Variants in STK32B observed in about 807,000 individuals in gnomAD.
STK32B encodes serine/threonine kinase 32B.
Under a neutral mutation model 52.6 loss-of-function variants are expected in STK32B, and 43 were observed. The ratio of observed to expected loss-of-function variants is 0.82; its 90% confidence interval spans 0.64 to 1.05. The LOEUF is 1.05. Ranked by LOEUF, STK32B falls within the 50% of genes least tolerant of loss-of-function variation. STK32B has a pLI of 0.00. For synonymous variants in STK32B, 238 were observed against 204.3 expected, an observed-to-expected ratio of 1.17 and a Z score of -1.41; for missense variants, 621 against 534.6, an observed-to-expected ratio of 1.16 and a Z score of -1.59.
chr4:5,249,509 C>CCCTCCCTTCCTTCCTT (rs1560259558), intron 3 of STK32B, among the ~76,000 whole-genome samples: 11 of 136,434 alleles, frequency 8.1e-5, no homozygotes, highest in South Asian at 7.0e-4. Flanking sequence ...CTTCCTCCCT[C>CCCTCCCTTCCTTCCTT]CCTTCCTTTA....
At chr4:5,253,880 T>G (rs554741275) in intron 3 of STK32B, among the ~76,000 whole-genome samples, 1 of 152,302 alleles carries the variant, frequency 6.6e-6, no homozygotes, top group African/African-American at 2.4e-5. Context: ...CATGAAATAA[T>G]GTATGTAAAG....
chr4:5,300,052 C>G (rs1729457039), intron 3 of STK32B, among the ~76,000 whole-genome samples: 1 of 152,170 alleles, frequency 6.6e-6, no homozygotes, highest in Non-Finnish European at 1.5e-5. Flanking sequence ...GAAGTACTAA[C>G]AAACCATATC....
chr4:5,270,423 C>T (rs570933148), intron 3 of STK32B, among the ~76,000 whole-genome samples: 3 of 152,270 alleles, frequency 2.0e-5, no homozygotes, highest in South Asian at 2.1e-4. Flanking sequence ...GATTAGATGG[C>T]GCCCACCCAG....
At chr4:5,244,820 T>G (rs1312343565) in intron 3 of STK32B, among the ~76,000 whole-genome samples, 1 of 152,244 alleles carries the variant, frequency 6.6e-6, no homozygotes, top group Non-Finnish European at 1.5e-5. Flanking sequence ...ATTTCTGCCT[T>G]CATTTCATTA....
intron 1 of STK32B, among the ~76,000 whole-genome samples, chr4:5,078,599 C>G (rs1223716696): frequency 2.6e-5 from 4 of 152,154 alleles, no homozygotes; most frequent in Non-Finnish European, 4.4e-5. Flanking sequence ...TCTGGCATCT[C>G]CTGGTGGCAT....
upstream of STK32B, among the ~76,000 whole-genome samples, chr4:5,048,133 T>A (rs547905620): frequency 6.6e-6 from 1 of 151,728 alleles, no homozygotes; most frequent in Non-Finnish European, 1.5e-5. Context: ...TTTTTTTTTT[T>A]ACTTGTTTGT....
chr4:5,437,932 C>T (rs1384586011), intron 6 of STK32B: 93 of 985,284 alleles, frequency 9.4e-5, no homozygotes, highest in Non-Finnish European at 1.1e-4. Context: ...ACCATCAGCT[C>T]CAAGTGTGTG....
intron 1 of STK32B, among the ~76,000 whole-genome samples, chr4:5,061,160 T>C (rs563356293): frequency 7.2e-5 from 11 of 152,368 alleles, no homozygotes; most frequent in African/African-American, 2.6e-4. Flanking sequence ...CCCATCTGGC[T>C]TTGACAATAC....
chr4:5,095,921 G>A (rs1210492614), intron 1 of STK32B, among the ~76,000 whole-genome samples: 2 of 152,184 alleles, frequency 1.3e-5, no homozygotes, highest in Non-Finnish European at 1.5e-5. Context: ...CAATTTTGAT[G>A]TAATATGTTC....
At chr4:5,093,438 C>G (rs10155107) in intron 1 of STK32B, among the ~76,000 whole-genome samples, 37,714 of 152,014 alleles carry the variant, frequency 0.25, 5,588 homozygotes, top group Non-Finnish European at 0.34. Flanking sequence ...TTTCGAGTAT[C>G]TACTCTCAGC....
At chr4:5,133,662 C>G (rs936707376) in intron 1 of STK32B, among the ~76,000 whole-genome samples, 1 of 152,154 alleles carries the variant, frequency 6.6e-6, no homozygotes, top group African/African-American at 2.4e-5. Context: ...ATATAATAGT[C>G]TTATTCCAAG....
intron 2 of STK32B, among the ~76,000 whole-genome samples, chr4:5,166,768 T>A (rs1043180635): frequency 1.3e-5 from 2 of 152,040 alleles, no homozygotes; most frequent in Non-Finnish European, 2.9e-5. Context: ...ATCCCCCAGT[T>A]TGAGGTACTG....
intron 3 of STK32B, among the ~76,000 whole-genome samples, chr4:5,198,070 C>A (rs113165665): frequency 2.0e-5 from 3 of 151,976 alleles, no homozygotes; most frequent in African/African-American, 4.8e-5. Flanking sequence ...GAAACTACCC[C>A]CTATGATGAA....
At chr4:5,340,944 G>A (rs1195597540) in intron 4 of STK32B, among the ~76,000 whole-genome samples, 4 of 152,090 alleles carry the variant, frequency 2.6e-5, no homozygotes, top group South Asian at 2.1e-4. Context: ...ACCCCATTTT[G>A]CAGAGAGATT....
Position 5,249,794 on chromosome 4 carries a change from A to G in STK32B, c.260+81344A>G, listed in dbSNP as rs149724598. Among the ~76,000 whole-genome samples the G allele has an allele frequency of 2.8e-3, 432 of 152,216 alleles. 2 individuals are homozygous for G. The highest frequency in any genetic ancestry group is 0.01 in the African/African-American group (417 of 41,524). On this transcript the variant is annotated intron_variant, in intron 3 of 11. Transcript: ENST00000282908. ...GTTTTTCTTTTAGTTTCAGAGGTAT[A>G]CATGCAAGTTTGTTATATAGGTAAA...
rs373865107 is a variant in STK32B, at chr4:5,120,046, T to C, written c.53-19859T>C. On this transcript the variant is annotated intron_variant, in intron 1 of 11. Coordinates refer to ENST00000282908, the MANE Select transcript of STK32B (RefSeq NM_018401.3). ...TCAGAAATGAACAATTTTTAAGTTT[T>C]AAATTGCATGCCCTTCTTCTAAGTA... 2.6e-5 allele frequency among the ~76,000 whole-genome samples: 4 copies of C among 152,216 alleles called. No homozygotes were observed. The East Asian group carries it at 5.8e-4, about 22-fold the overall frequency.
rs74883141 is a variant in STK32B at position 5,187,159 on chromosome 4, C to T, written c.260+18709C>T. On this transcript the variant is annotated intron_variant, in intron 3 of 11. Transcript: ENST00000282908. ...AAGCCATGGGGTTTACCCAGGGTCA[C>T]GTGGAAGAGCCAGGATTCTTCCAGA... Among the ~76,000 whole-genome samples the T allele has an allele frequency of 2.1e-3, 318 of 152,310 alleles. 6 individuals are homozygous for T. In the East Asian group the frequency reaches 0.051, roughly 24 times the overall value.
chr4:5,423,009 C>T (rs1712774930), intron 6 of STK32B, among the ~76,000 whole-genome samples: 1 of 152,070 alleles, frequency 6.6e-6, no homozygotes, highest in Non-Finnish European at 1.5e-5. Context: ...TGTTTTGCAG[C>T]TTCTGGGACA....
upstream of STK32B, among the ~76,000 whole-genome samples, chr4:5,047,138 C>T (rs1205730224): frequency 1.3e-5 from 2 of 152,180 alleles, no homozygotes; most frequent in East Asian, 1.9e-4. Context: ...TACATATACA[C>T]CACGGAATGC....
Sources: allele counts gnomAD v4.1 joint callset (sites outside exome capture counted in the v4.1 genomes callset), GRCh38; gene constraint gnomAD v4.1.1; transcripts MANE v1.5; gene names NCBI Gene and HGNC (gene_info 2026-07-23, HGNC 2026-07-21).